Variants in FAM185A observed in about 807,000 individuals in gnomAD.
The protein encoded by FAM185A is family with sequence similarity 185 member A.
Under a neutral mutation model 45.7 loss-of-function variants are expected in FAM185A, and 21 were observed. The observed-to-expected ratio is 0.46, with a 90% CI of 0.33 to 0.66. FAM185A has a LOEUF of 0.66. Among genes scored for constraint, FAM185A ranks in the 30% least tolerant of loss-of-function variants. The pLI is 0.03. For synonymous variants in FAM185A, 117 were observed against 194.0 expected, an observed-to-expected ratio of 0.60 and a Z score of 3.30; for missense variants, 305 against 485.4, an observed-to-expected ratio of 0.63 and a Z score of 3.49.
At chr7:102,850,202 A>G in the FAM185A span, among the ~76,000 whole-genome samples, 1 of 152,274 alleles carries the variant, frequency 6.6e-6, no homozygotes, top group Non-Finnish European at 1.5e-5. Context: ...GCACCTAAAA[A>G]TAGTACAATT....
chr7:102,846,429 G>A, the FAM185A span, among the ~76,000 whole-genome samples: 2 of 152,230 alleles, frequency 1.3e-5, no homozygotes, highest in South Asian at 4.1e-4. Flanking sequence ...ACCAGCCTCA[G>A]CCAACATGGT....
chr7:102,822,083 G>A, the FAM185A span: 3 of 1,614,204 alleles, frequency 1.9e-6, no homozygotes, highest in African/African-American at 4.0e-5. Flanking sequence ...ATCCGGAGTT[G>A]TTTGCAGCCT....
At chr7:102,794,035 CAA>C (rs765672577) in intron 7 of FAM185A, among the ~76,000 whole-genome samples, 18 of 60,592 alleles carry the variant, frequency 3.0e-4, no homozygotes, top group African/African-American at 4.0e-4. Context: ...GACTCTGTCT[CAA>C]AAAAAAAAAA....
chr7:102,749,301 TGGGCTTGCC>T lies in FAM185A; in HGVS notation c.95_103del (p.Trp32_Gln35delinsTer), dbSNP rs1367960186. On this transcript the variant is annotated stop_gained and inframe_deletion, in exon 1 of 8. Coordinates refer to ENST00000413034, the MANE Select transcript of FAM185A (RefSeq NM_001145268.2). LOFTEE classifies it high-confidence loss of function. ...GGCTGGCGCTGGGCGCTGGGCTTGC[TGGGCTTGCC>T]AAGCCAGGCCGTACAGCTCAGGTGG... is the stretch of plus-strand genomic sequence containing the variant. 29 of 1,549,772 alleles carry T rather than the reference TGGGCTTGCC, an allele frequency of 1.9e-5. No individual in the cohort carries two copies. Among genetic ancestry groups the T allele is most frequent in the Non-Finnish European group, 2.4e-5 (27 of 1,146,782 alleles).
At chr7:102,838,220 A>C in the FAM185A span, among the ~76,000 whole-genome samples, 14 of 152,202 alleles carry the variant, frequency 9.2e-5, no homozygotes, top group African/African-American at 3.4e-4. Context: ...CTTACCCCTC[A>C]ATATTCTCAT....
intron 6 of FAM185A, among the ~76,000 whole-genome samples, chr7:102,785,973 C>G (rs1273542329): frequency 1.3e-5 from 2 of 152,100 alleles, no homozygotes; most frequent in Non-Finnish European, 2.9e-5. Flanking sequence ...TGAACTCAAA[C>G]AAATTTACAA....
At chr7:102,848,582 A>C in the FAM185A span, among the ~76,000 whole-genome samples, 1 of 148,074 alleles carries the variant, frequency 6.8e-6, no homozygotes, top group Non-Finnish European at 1.5e-5. Context: ...AAAAAAAAAA[A>C]AAAAAAAAAA....
At chr7:102,834,380 T>TTATATA in the FAM185A span, among the ~76,000 whole-genome samples, 2 of 145,316 alleles carry the variant, frequency 1.4e-5, no homozygotes, top group African/African-American at 5.0e-5. Context: ...TATATATAAA[T>TTATATA]TATATATATA....
chr7:102,820,379 G>A, the FAM185A span, among the ~76,000 whole-genome samples: 1 of 152,242 alleles, frequency 6.6e-6, no homozygotes, highest in African/African-American at 2.4e-5. Context: ...ATTTTTCACA[G>A]CTATAGCTGG....
intron 6 of FAM185A, among the ~76,000 whole-genome samples, chr7:102,786,085 C>A (rs1028223726): frequency 3.9e-5 from 6 of 152,048 alleles, no homozygotes; most frequent in African/African-American, 1.4e-4. Flanking sequence ...AAAAAATGCT[C>A]ATCATCACTG....
At chr7:102,766,582 G>A (rs1442090169) in intron 4 of FAM185A, among the ~76,000 whole-genome samples, 2 of 151,554 alleles carry the variant, frequency 1.3e-5, no homozygotes, top group African/African-American at 4.9e-5. Flanking sequence ...AATCTGGTTT[G>A]TAAACTTAGA....
In FAM185A at chr7:102,808,488, G is replaced by C. The variant is rs1797262642; in HGVS notation, c.*86G>C. Reference sequence around the variant, plus strand: ...ATGTAAATCCCACCATTCATATAAAGGTTGAAAACAACAAATTGAGAATGA... The same window carrying C: ...ATGTAAATCCCACCATTCATATAAACGTTGAAAACAACAAATTGAGAATGA... On this transcript the variant is annotated 3_prime_UTR_variant, in exon 8 of 8. Transcript: ENST00000413034. The C allele has an allele frequency of 1.2e-6, 1 of 864,556 alleles. No individual in the cohort carries two copies. The highest frequency in any genetic ancestry group is 1.7e-5 in the African/African-American group (1 of 58,806). The allele number at this position is 864,556 out of a possible 1,614,324, so 53.6% of individuals were successfully genotyped here.
intron 6 of FAM185A, 83 bp from the exon 7 acceptor site, chr7:102,787,252 C>G (rs1795865913): frequency 9.6e-7 from 1 of 1,043,744 alleles, no homozygotes; most frequent in Non-Finnish European, 1.3e-6. Context: ...AGGAGCAATG[C>G]TACCCTGTCA....
downstream of FAM185A, chr7:102,813,403 T>C: frequency 6.2e-7 from 1 of 1,614,118 alleles, no homozygotes; most frequent in Non-Finnish European, 8.5e-7. Flanking sequence ...TAAGGCTCCT[T>C]TAGATGATGT....
At chr7:102,785,746 A>T (rs1208603450) in intron 6 of FAM185A, among the ~76,000 whole-genome samples, 2 of 151,758 alleles carry the variant, frequency 1.3e-5, no homozygotes, top group Admixed American at 6.6e-5. Flanking sequence ...GACCTAGGCA[A>T]TACCATTCAG....
chr7:102,836,607 G>T, the FAM185A span, among the ~76,000 whole-genome samples: 130 of 152,290 alleles, frequency 8.5e-4, no homozygotes, highest in African/African-American at 2.6e-3. Context: ...ATCAAGTTTG[G>T]CTCCTTTCCC....
At chr7:102,834,827 A>G in the FAM185A span, 19 of 152,118 alleles carry the variant, frequency 1.2e-4, no homozygotes, top group East Asian at 2.7e-3. Context: ...AAAAAGTATC[A>G]TAAGTATGTA....
chr7:102,849,754 T>G, the FAM185A span, among the ~76,000 whole-genome samples: 1 of 152,190 alleles, frequency 6.6e-6, no homozygotes, highest in African/African-American at 2.4e-5. Flanking sequence ...GGGGAAAGAT[T>G]ACCACATGCC....
intron 7 of FAM185A, among the ~76,000 whole-genome samples, chr7:102,791,369 G>A (rs1400389881): frequency 6.6e-6 from 1 of 152,244 alleles, no homozygotes; most frequent in Non-Finnish European, 1.5e-5. Flanking sequence ...ACTCCATAGT[G>A]AGCTATCTTA....
Sources: gnomAD v4.1 joint callset for allele counts (sites outside exome capture counted in the v4.1 genomes callset) on GRCh38, gnomAD v4.1.1 for gene constraint, MANE v1.5 for transcripts, NCBI Gene and HGNC (gene_info 2026-07-23, HGNC 2026-07-21) for gene names.